Variants in ZFPM2 observed in about 807,000 individuals in gnomAD.
The protein encoded by ZFPM2 is zinc finger protein ZFPM2.
ZFPM2 carries 20 observed loss-of-function variants against 98.6 expected under a neutral mutation model. The observed-to-expected ratio is 0.20, with a 90% CI of 0.14 to 0.29. The LOEUF (loss-of-function observed/expected upper bound fraction) is 0.29, where lower values mean the gene tolerates loss of function less well. ZFPM2 is among the 10% of genes least tolerant of loss of function. The pLI, the probability that ZFPM2 is intolerant of heterozygous loss-of-function variation, is 1.00. For missense variants in ZFPM2, 1,310 were observed against 1,388.6 expected, an observed-to-expected ratio of 0.94 and a Z score of 0.90; for synonymous variants, 518 against 502.7, an observed-to-expected ratio of 1.03 and a Z score of -0.41.
At chr8:105,365,445 A>G (rs1352586500) in intron 1 of ZFPM2, among the ~76,000 whole-genome samples, 1 of 152,184 alleles carries the variant, frequency 6.6e-6, no homozygotes, top group Non-Finnish European at 1.5e-5. Context: ...CCATTATCAG[A>G]TATTCAATTT....
intron 3 of ZFPM2, among the ~76,000 whole-genome samples, chr8:105,525,985 T>C (rs1814166815): frequency 6.6e-6 from 1 of 152,198 alleles, no homozygotes; most frequent in Non-Finnish European, 1.5e-5. Flanking sequence ...GTGAAATGAA[T>C]GATCCCCACA....
rs12541049 is a variant in ZFPM2, at chr8:105,729,438, A to G, written c.533-59280A>G. On this transcript the variant is annotated intron_variant, in intron 5 of 7. Coordinates refer to ENST00000407775, the MANE Select transcript of ZFPM2 (RefSeq NM_012082.4). ...TTATGTATTTTTTTCTAAGAAAAGC[A>G]TAAGAGCCTGGCACAATGCACCTGC... 3.2e-3 allele frequency among the ~76,000 whole-genome samples: 485 copies of G among 151,398 alleles called. 3 individuals are homozygous for G. Among genetic ancestry groups the G allele is most frequent in the African/African-American group, 0.011 (466 of 41,362 alleles).
At chr8:105,666,318 T>A (rs1271716503) in intron 5 of ZFPM2, among the ~76,000 whole-genome samples, 1 of 152,200 alleles carries the variant, frequency 6.6e-6, no homozygotes, top group African/African-American at 2.4e-5. Context: ...CAAATAGCAA[T>A]TCAGTGTCTG....
chr8:105,776,211 C>T (rs1813101440), intron 5 of ZFPM2, among the ~76,000 whole-genome samples: 1 of 151,976 alleles, frequency 6.6e-6, no homozygotes, highest in Non-Finnish European at 1.5e-5. Flanking sequence ...GGGAATGCAC[C>T]GGTTTAACCA....
chr8:105,461,583 A>C (rs559675320), intron 3 of ZFPM2, among the ~76,000 whole-genome samples: 110 of 152,254 alleles, frequency 7.2e-4, no homozygotes, highest in African/African-American at 2.5e-3. Flanking sequence ...AAATGATAAA[A>C]CAACTATCTA....
chr8:105,527,033 C>T lies in ZFPM2; in HGVS notation c.302-34330C>T, dbSNP rs116662700. 3.6e-3 allele frequency among the ~76,000 whole-genome samples: 545 copies of T among 152,082 alleles called. 3 individuals carry two copies. Among genetic ancestry groups the T allele is most frequent in the African/African-American group, 0.012 (513 of 41,474 alleles). On this transcript the variant is annotated intron_variant, in intron 3 of 7. Transcript: ENST00000407775. ...ATTTCCTAGGGTTGTTATGAGGAAACGAGGAAAGACTACTTGCAAATTGCA... is the reference window on the plus strand; with the variant it reads ...ATTTCCTAGGGTTGTTATGAGGAAATGAGGAAAGACTACTTGCAAATTGCA...
At chr8:105,598,429 A>G (rs867535893) in intron 4 of ZFPM2, among the ~76,000 whole-genome samples, 5 of 152,194 alleles carry the variant, frequency 3.3e-5, no homozygotes, top group African/African-American at 1.2e-4. Flanking sequence ...AACTTAGAAT[A>G]TATGCTTGCC....
At chr8:105,524,219 A>T (rs533429516) in intron 3 of ZFPM2, among the ~76,000 whole-genome samples, 1 of 152,174 alleles carries the variant, frequency 6.6e-6, no homozygotes, top group Non-Finnish European at 1.5e-5. Flanking sequence ...ACAAAAGTAT[A>T]ATCTTTTCTG....
intron 5 of ZFPM2, among the ~76,000 whole-genome samples, chr8:105,777,682 G>A (rs1167199495): frequency 2.0e-5 from 3 of 152,104 alleles, no homozygotes; most frequent in Non-Finnish European, 4.4e-5. Context: ...TGTGTATTGT[G>A]CAGATCTTTA....
chr8:105,646,504 GC>G (rs1469194329), intron 5 of ZFPM2, among the ~76,000 whole-genome samples: 3 of 152,050 alleles, frequency 2.0e-5, no homozygotes, highest in African/African-American at 7.2e-5. Context: ...GGTCCCCTTG[GC>G]CAGGAGGAGG....
chr8:105,703,426 AGT>A (rs1484083214), intron 5 of ZFPM2, among the ~76,000 whole-genome samples: 1 of 152,220 alleles, frequency 6.6e-6, no homozygotes, highest in Non-Finnish European at 1.5e-5. Context: ...AGGATTTGGC[AGT>A]AATTCAGTAA....
intron 3 of ZFPM2, among the ~76,000 whole-genome samples, chr8:105,524,612 G>A (rs1814133446): frequency 6.6e-6 from 1 of 152,276 alleles, no homozygotes; most frequent in South Asian, 2.1e-4. Context: ...CAGAAAAAGA[G>A]TCTGTAAAGC....
chr8:105,682,683 C>G (rs894103322), intron 5 of ZFPM2, among the ~76,000 whole-genome samples: 2 of 152,098 alleles, frequency 1.3e-5, no homozygotes, highest in African/African-American at 4.8e-5. Context: ...GGCCAGAACT[C>G]AGTCATATGC....
At chr8:105,723,532 C>T (rs560322580) in intron 5 of ZFPM2, among the ~76,000 whole-genome samples, 1 of 151,904 alleles carries the variant, frequency 6.6e-6, no homozygotes, top group Admixed American at 6.6e-5. Context: ...ATCAAAATAA[C>T]TTTAAAAGGC....
chr8:105,639,004 G>C (rs1816901175), intron 5 of ZFPM2, among the ~76,000 whole-genome samples: 1 of 152,090 alleles, frequency 6.6e-6, no homozygotes, highest in African/African-American at 2.4e-5. Flanking sequence ...TGGGTCGTCT[G>C]TTTTTTGCCA....
intron 3 of ZFPM2, chr8:105,451,489 T>C (rs566709090): frequency 6.6e-6 from 1 of 152,274 alleles, no homozygotes; most frequent in East Asian, 1.9e-4. Flanking sequence ...GGAGATATAA[T>C]TGGTTAAGAT....
chr8:105,794,527 G>T (rs1196913901), intron 6 of ZFPM2, among the ~76,000 whole-genome samples: 2 of 152,190 alleles, frequency 1.3e-5, no homozygotes, highest in Admixed American at 6.5e-5. Flanking sequence ...CAGGGGTCAG[G>T]GGTCAGGGAC....
At chr8:105,635,891 T>A (rs939708444) in intron 5 of ZFPM2, among the ~76,000 whole-genome samples, 1 of 152,150 alleles carries the variant, frequency 6.6e-6, no homozygotes, top group Non-Finnish European at 1.5e-5. Flanking sequence ...TCCAAATTGC[T>A]TGGGACCAGA....
chr8:105,607,587 G>A (rs755023238), intron 4 of ZFPM2, among the ~76,000 whole-genome samples: 5 of 151,934 alleles, frequency 3.3e-5, no homozygotes, highest in Admixed American at 6.6e-5. Context: ...AGTTAAATGC[G>A]TTTGTCTAAA....
Sources: allele counts gnomAD v4.1 joint callset (sites outside exome capture counted in the v4.1 genomes callset), GRCh38; gene constraint gnomAD v4.1.1; transcripts MANE v1.5; gene names NCBI Gene and HGNC (gene_info 2026-07-23, HGNC 2026-07-21).